Variants in GRK5 observed in about 807,000 individuals in gnomAD.
GRK5 encodes G protein-coupled receptor kinase 5.
GRK5 carries 40 observed loss-of-function variants against 78.4 expected under a neutral mutation model. That is an observed-to-expected ratio of 0.51 (90% CI 0.40 to 0.66). The LOEUF (loss-of-function observed/expected upper bound fraction) is 0.66. Ranked by LOEUF, GRK5 falls within the 30% of genes least tolerant of loss-of-function variation. The pLI, the probability that GRK5 is intolerant of heterozygous loss-of-function variation, is 0.00. For missense variants in GRK5, 598 were observed against 759.9 expected (o/e 0.79, Z 2.50); for synonymous variants, 289 against 296.8 (o/e 0.97, Z 0.27).
rs150117415 is a variant in GRK5, at chr10:119,376,978, G to A, written c.149-3837G>A. ...GTTCTAGAAGAGCAAGTGCGCATGC[G>A]CGTGCGTGTGTGTATGTGCGTGCGT... On this transcript the variant is annotated intron_variant, in intron 2 of 15. Coordinates refer to ENST00000392870, the MANE Select transcript of GRK5 (RefSeq NM_005308.3). Among the ~76,000 whole-genome samples the A allele has an allele frequency of 7.8e-3, 1,185 of 152,294 alleles. 17 individuals are homozygous for A. The highest frequency in any genetic ancestry group is 0.027 in the African/African-American group (1,139 of 41,560).
intron 1 of GRK5, among the ~76,000 whole-genome samples, chr10:119,254,880 C>G (rs1849255630): frequency 6.6e-6 from 1 of 151,728 alleles, no homozygotes; most frequent in Non-Finnish European, 1.5e-5. Context: ...TGTGGTGAAA[C>G]CCCATCTCTA....
At chr10:119,328,683 T>C (rs1850719143) in intron 2 of GRK5, among the ~76,000 whole-genome samples, 1 of 152,208 alleles carries the variant, frequency 6.6e-6, no homozygotes, top group South Asian at 2.1e-4. Flanking sequence ...GAGACCTTTC[T>C]GGGGTGTTGA....
At chr10:119,323,172 A>T (rs1455649908) in intron 1 of GRK5, among the ~76,000 whole-genome samples, 1 of 152,196 alleles carries the variant, frequency 6.6e-6, no homozygotes, top group African/African-American at 2.4e-5. Context: ...TTAATGTTTA[A>T]TGGGTTCAGA....
Position 119,438,389 on chromosome 10 carries a change from G to T in GRK5, c.930-1342G>T, listed in dbSNP as rs144834173. ...GCTCGGTCCTGGCAGACCCCGACAC[G>T]CAGCCCAGTTTGAAGACCTTTGCAG... is the stretch of plus-strand genomic sequence containing the variant. On this transcript the variant is annotated intron_variant, in intron 9 of 15. Transcript: ENST00000392870. Among the ~76,000 whole-genome samples, 11 of 152,272 alleles carry T rather than the reference G, an allele frequency of 7.2e-5. No individual in the cohort carries two copies. In the East Asian group the frequency reaches 2.1e-3, roughly 29 times the overall value.
At chr10:119,251,327 G>A (rs1849196323) in intron 1 of GRK5, among the ~76,000 whole-genome samples, 1 of 152,218 alleles carries the variant, frequency 6.6e-6, no homozygotes, top group Non-Finnish European at 1.5e-5. Context: ...CTCTGTAAGA[G>A]TATTTCTTGT....
At chr10:119,246,339 A>T (rs1407984894) in intron 1 of GRK5, among the ~76,000 whole-genome samples, 1 of 152,158 alleles carries the variant, frequency 6.6e-6, no homozygotes, top group Admixed American at 6.5e-5. Flanking sequence ...GACAAGAAAA[A>T]AGTCTATATG....
rs1853434238 is a variant in GRK5, at chr10:119,458,463, G to A, written c.*3396G>A. On this transcript the variant is annotated 3_prime_UTR_variant, in exon 16 of 16. Transcript: ENST00000392870. The stretch of plus-strand genomic sequence containing the variant: ...CGGGGCTCTAGGGCTGCTCGCTGCT[G>A]CTGTGGCCTGCGCAGCCACGGGAGG... The A allele has an allele frequency of 6.6e-6, 1 of 152,252 alleles. No homozygotes were observed. The highest frequency in any genetic ancestry group is 1.5e-5 in the Non-Finnish European group (1 of 68,064). The allele number at this position is 152,252 out of a possible 1,614,324, so 9.4% of individuals were successfully genotyped here. A position where few individuals can be genotyped will look rare whatever the true frequency, so the allele number is the denominator to read the frequency against.
At position 119,261,682 on chromosome 10, in the gene GRK5, C is replaced by T. The variant is rs573529696; in HGVS notation, c.52+53713C>T. Among the ~76,000 whole-genome samples, 76 of 152,366 alleles carry T rather than the reference C, an allele frequency of 5.0e-4. 1 individual carries two copies. The East Asian group carries it at 0.012, about 25-fold the overall frequency. On this transcript the variant is annotated intron_variant, in intron 1 of 15. Transcript: ENST00000392870. ...GAGGCCGAGGCTGGCGGATCACTCG[C>T]GGTTAGGAGCTGGAGACCAGCCCGG...
intron 1 of GRK5, among the ~76,000 whole-genome samples, chr10:119,293,838 G>A (rs1005074421): frequency 3.3e-5 from 5 of 152,172 alleles, no homozygotes; most frequent in East Asian, 1.9e-4. Flanking sequence ...CTATTGTTAC[G>A]TTAAACCTGA....
At chr10:119,313,146 GTGA>G (rs1283372423) in intron 1 of GRK5, among the ~76,000 whole-genome samples, 2 of 150,210 alleles carry the variant, frequency 1.3e-5, no homozygotes, top group Admixed American at 6.6e-5. Context: ...GATGGTAGTG[GTGA>G]TGGTGGTGGT....
chr10:119,308,663 G>A lies in GRK5; in HGVS notation c.53-17853G>A, dbSNP rs193173331. 2.8e-4 allele frequency among the ~76,000 whole-genome samples: 42 copies of A among 152,378 alleles called. 1 individual carries two copies. The East Asian group carries it at 7.7e-3, about 28-fold the overall frequency. ...TTCAATGGCTTCTCCTGTGCCACGC[G>A]GTGGGGGAGCTTTCTTACGCCTCGT... On this transcript the variant is annotated intron_variant, in intron 1 of 15. Transcript: ENST00000392870.
intron 2 of GRK5, among the ~76,000 whole-genome samples, chr10:119,354,951 C>T (rs780968747): frequency 6.6e-6 from 1 of 151,910 alleles, no homozygotes; most frequent in Non-Finnish European, 1.5e-5. Context: ...TAGGACTCCC[C>T]GAGAATGCCA....
chr10:119,313,954 G>C (rs1850440194), intron 1 of GRK5, among the ~76,000 whole-genome samples: 1 of 152,228 alleles, frequency 6.6e-6, no homozygotes, highest in South Asian at 2.1e-4. Flanking sequence ...CCTGCCCACA[G>C]ACCGCAGGCC....
At chr10:119,417,407 A>G (rs1852479623) in intron 4 of GRK5, among the ~76,000 whole-genome samples, 2 of 152,136 alleles carry the variant, frequency 1.3e-5, no homozygotes, top group Non-Finnish European at 2.9e-5. Context: ...TTGACCTGGG[A>G]GGGGTGCGGC....
intron 1 of GRK5, among the ~76,000 whole-genome samples, chr10:119,324,647 A>C (rs903482523): frequency 6.6e-6 from 1 of 152,130 alleles, no homozygotes; most frequent in African/African-American, 2.4e-5. Context: ...GAAAAAAAAA[A>C]GTTCCTGCCT....
intron 2 of GRK5, among the ~76,000 whole-genome samples, chr10:119,375,606 G>A (rs1564909903): frequency 6.6e-6 from 1 of 152,208 alleles, no homozygotes; most frequent in Non-Finnish European, 1.5e-5. Context: ...AAACTGCTAA[G>A]GACAAGGACT....
At position 119,216,616 on chromosome 10, in the gene GRK5, G is replaced by A. The variant is rs148295565; in HGVS notation, c.52+8647G>A. On this transcript the variant is annotated intron_variant, in intron 1 of 15. Transcript: ENST00000392870. ...TTGAGGCCAGGAGTTCAAGACCAGC[G>A]TGGGCAGCATAGCAAGACCCCTATC... 2.0e-4 allele frequency among the ~76,000 whole-genome samples: 30 copies of A among 151,902 alleles called. No individual in the cohort carries two copies. In the East Asian group the frequency reaches 4.6e-3, roughly 24 times the overall value.
intron 1 of GRK5, among the ~76,000 whole-genome samples, chr10:119,315,783 T>TCC (rs759935129): frequency 7.6e-4 from 115 of 152,284 alleles, no homozygotes; most frequent in Non-Finnish European, 1.0e-3. Context: ...GGTAGAGTGA[T>TCC]CCTTCCACAT....
intron 2 of GRK5, among the ~76,000 whole-genome samples, chr10:119,344,691 G>A (rs868111581): frequency 6.6e-6 from 1 of 152,298 alleles, no homozygotes; most frequent in Admixed American, 6.5e-5. Flanking sequence ...CCTGTGCTGT[G>A]CGTGGGGCCG....
Sources: gnomAD v4.1 joint callset for allele counts (sites outside exome capture counted in the v4.1 genomes callset) on GRCh38, gnomAD v4.1.1 for gene constraint, MANE v1.5 for transcripts, NCBI Gene and HGNC (gene_info 2026-07-23, HGNC 2026-07-21) for gene names.